The following SETD2 variants were observed in gnomAD, a reference collection of about 807,000 sequenced individuals.
SETD2 encodes the protein SET domain containing 2, histone lysine methyltransferase, also known as histone-lysine N-methyltransferase SETD2.
In SETD2, 31 loss-of-function variants were observed where a neutral mutation model predicts 242.1. The observed-to-expected ratio is 0.13, with a 90% CI of 0.10 to 0.17. The LOEUF (loss-of-function observed/expected upper bound fraction) is 0.17, where lower values mean the gene tolerates loss of function less well. Ranked by LOEUF, SETD2 falls within the 10% of genes least tolerant of loss-of-function variation. SETD2 has a pLI of 1.00. For missense variants in SETD2, 2,481 were observed against 3,046.3 expected (o/e 0.81, Z 4.37); for synonymous variants, 1,006 against 1,066.5 (o/e 0.94, Z 1.11).
rs752627883 is a variant in SETD2, at chr3:47,120,582, G to T, written c.4054C>A (p.Gln1352Lys). ...AGGGATAGAAGAAATTTATCGGACT[G>T]GTCTGAAAAATGGGATCCATCCTGT... is the stretch of plus-strand genomic sequence containing the variant. ...DQQDGSHFSD[Q>K]SDKFLLSLQK... Residue 1352 changes from glutamine (Q) to lysine (K), a missense_variant, in exon 3 of 21, where the codon CAG becomes AAG. Coordinates refer to ENST00000409792, the MANE Select transcript of SETD2 (RefSeq NM_014159.7). The T allele has an allele frequency of 6.2e-7, 1 of 1,614,034 alleles. No individual in the cohort carries two copies.
chr3:47,021,547 T>C (rs775160525), intron 18 of SETD2, among the ~76,000 whole-genome samples: 6 of 152,118 alleles, frequency 3.9e-5, no homozygotes, highest in Non-Finnish European at 7.4e-5. Context: ...GTCTAGGAGC[T>C]TTCTTGGTCC....
intron 15 of SETD2, among the ~76,000 whole-genome samples, chr3:47,056,363 G>A (rs2040081983): frequency 6.6e-6 from 1 of 151,932 alleles, no homozygotes; most frequent in Non-Finnish European, 1.5e-5. Context: ...CTGACTTCAG[G>A]TGATCCGTCC....
chr3:47,068,135 G>A (rs2040643942), intron 12 of SETD2, among the ~76,000 whole-genome samples: 1 of 152,154 alleles, frequency 6.6e-6, no homozygotes, highest in Non-Finnish European at 1.5e-5. Context: ...TCTTAAGTGG[G>A]ACAGTAACAA....
chr3:47,023,222 A>T (rs1225279911), intron 18 of SETD2, among the ~76,000 whole-genome samples: 1 of 152,006 alleles, frequency 6.6e-6, no homozygotes, highest in East Asian at 1.9e-4. Context: ...AAGATGGTGA[A>T]ACCCCGTCTC....
chr3:47,017,804 G>A lies in SETD2; in HGVS notation c.7432-65C>T. The A allele has an allele frequency of 2.7e-6, 3 of 1,099,584 alleles. No homozygotes were observed. The South Asian group carries it at 3.8e-5, about 14-fold the overall frequency. 68.1% of individuals were successfully genotyped at this position (1,099,584 alleles called of 1,614,324 possible). The stretch of plus-strand genomic sequence containing the variant: ...AGAGAGGGCAAGGAGTTGTACTGAG[G>A]AAATAACTAGAAAAGGTAGTGAGTA... On this transcript the variant is annotated intron_variant, in intron 19 of 20. Transcript: ENST00000409792. This position sits in a 1 kb window ranked among gnomAD's most constrained non-coding sequence, Gnocchi z 4.8.
At chr3:47,023,128 C>T (rs897444634) in intron 18 of SETD2, among the ~76,000 whole-genome samples, 4 of 152,120 alleles carry the variant, frequency 2.6e-5, no homozygotes, top group Admixed American at 6.5e-5. Context: ...GGGCTGGGCA[C>T]GGTGGCTCAT....
intron 18 of SETD2, among the ~76,000 whole-genome samples, chr3:47,025,900 G>GACTTCATGTCTAAA (rs1159327772): frequency 6.6e-6 from 1 of 152,200 alleles, no homozygotes; most frequent in Non-Finnish European, 1.5e-5. Context: ...CATGGGCAAA[G>GACTTCATGTCTAAA]ACTTCATGTC....
chr3:47,131,556 G>T lies in SETD2; in HGVS notation c.72-4893C>A, dbSNP rs146842032. 2.3e-4 allele frequency among the ~76,000 whole-genome samples: 35 copies of T among 152,096 alleles called. 2 individuals are homozygous for T. In the East Asian group the frequency reaches 6.8e-3, roughly 30 times the overall value. On this transcript the variant is annotated intron_variant, in intron 1 of 20. Transcript: ENST00000409792. ...AACGGGGCTTCACCGTGTTAGCCAG[G>T]ATGGTCTCGATCTCGACCTCGTGAT... is the stretch of plus-strand genomic sequence containing the variant.
At chr3:47,078,914 G>C (rs12108126) in intron 12 of SETD2, among the ~76,000 whole-genome samples, 17 of 151,950 alleles carry the variant, frequency 1.1e-4, no homozygotes, top group African/African-American at 4.8e-5. Flanking sequence ...AGTTTTTGTA[G>C]AGACAGGGTT....
chr3:47,079,153 C>T (rs1313574456), intron 12 of SETD2, among the ~76,000 whole-genome samples: 1 of 152,116 alleles, frequency 6.6e-6, no homozygotes, highest in Non-Finnish European at 1.5e-5. Context: ...GAATGCTGTT[C>T]TTGCAGTTTT....
At chr3:47,163,231 G>A (rs1697553164) in intron 1 of SETD2, among the ~76,000 whole-genome samples, 1 of 152,236 alleles carries the variant, frequency 6.6e-6, no homozygotes, top group South Asian at 2.1e-4. Flanking sequence ...GGTGCACAAT[G>A]TGAATCCGGA....
chr3:47,032,326 C>T (rs1451678147), intron 18 of SETD2, among the ~76,000 whole-genome samples: 2 of 150,664 alleles, frequency 1.3e-5, no homozygotes, highest in East Asian at 4.0e-4. Flanking sequence ...AGCCTGGTCA[C>T]CAACACCACC....
chr3:47,082,913 T>G (rs2041377433), intron 12 of SETD2, among the ~76,000 whole-genome samples: 1 of 152,200 alleles, frequency 6.6e-6, no homozygotes, highest in African/African-American at 2.4e-5. Flanking sequence ...TTTATTTGGT[T>G]GCTTCATCTC....
intron 16 of SETD2, among the ~76,000 whole-genome samples, chr3:47,046,055 C>T (rs1197989603): frequency 2.6e-5 from 4 of 151,860 alleles, no homozygotes; most frequent in South Asian, 4.2e-4. Context: ...AAAAACGGGC[C>T]GGGCGTGGTG....
At chr3:47,144,841 C>G (rs1157857384) in intron 1 of SETD2, among the ~76,000 whole-genome samples, 1 of 151,914 alleles carries the variant, frequency 6.6e-6, no homozygotes, top group Non-Finnish European at 1.5e-5. Flanking sequence ...ATCCCAGCTA[C>G]TCGGGAGGCT....
intron 12 of SETD2, chr3:47,081,178 C>A: frequency 1.5e-6 from 1 of 678,452 alleles, no homozygotes; most frequent in Non-Finnish European, 1.8e-6. Context: ...CCCTCCCACC[C>A]TCTTTCATTT....
At chr3:47,085,322 C>A (rs1185098977) in intron 11 of SETD2, among the ~76,000 whole-genome samples, 1 of 152,040 alleles carries the variant, frequency 6.6e-6, no homozygotes, top group Non-Finnish European at 1.5e-5. Flanking sequence ...AAAAGTTTAC[C>A]AAGTGTCTGT....
At chr3:47,110,715 T>C (rs929675018) in intron 5 of SETD2, among the ~76,000 whole-genome samples, 2 of 152,136 alleles carry the variant, frequency 1.3e-5, no homozygotes, top group Non-Finnish European at 2.9e-5. Flanking sequence ...CTATTGGTAT[T>C]ACACATCATC....
At position 47,046,635 on chromosome 3, in the gene SETD2, T is replaced by C. The variant is rs768948073; in HGVS notation, c.6964-14A>G. 3.1e-6 allele frequency: 5 copies of C among 1,600,316 alleles called. No homozygotes were observed. The highest frequency in any genetic ancestry group is 4.3e-6 in the Non-Finnish European group (5 of 1,173,560). On this transcript the variant is annotated splice_polypyrimidine_tract_variant and intron_variant, in intron 15 of 20. Transcript: ENST00000409792. ...CTGGGCATAACTCTAAAAGATAAAA[T>C]GAAGAAATCAATAATTTAAGCTTTT...
Sources: gnomAD v4.1 joint callset for allele counts (sites outside exome capture counted in the v4.1 genomes callset) on GRCh38, gnomAD v4.1.1 for gene constraint, Gnocchi (gnomAD v3.1) non-coding constraint, MANE v1.5 for transcripts, NCBI Gene and HGNC (gene_info 2026-07-23, HGNC 2026-07-21) for gene names.